SPTBN1: variants seen among roughly 807,000 people sequenced by gnomAD.
SPTBN1 encodes spectrin beta, non-erythrocytic 1.
Under a neutral mutation model 266.4 loss-of-function variants are expected in SPTBN1, and 32 were observed. That is an observed-to-expected ratio of 0.12 (90% CI 0.09 to 0.16). The LOEUF is 0.16. Among genes scored for constraint, SPTBN1 ranks in the 10% least tolerant of loss-of-function variants. The pLI is 1.00. For synonymous variants in SPTBN1, 1,336 were observed against 1,162.2 expected (o/e 1.15, Z -3.04); for missense variants, 2,296 against 3,067.1 (o/e 0.75, Z 5.94).
intron 2 of SPTBN1, among the ~76,000 whole-genome samples, chr2:54,535,900 T>A (rs1671568905): frequency 6.6e-6 from 1 of 152,128 alleles, no homozygotes; most frequent in African/African-American, 2.4e-5. Context: ...TACATGTGAG[T>A]AACCACCTAT....
chr2:54,508,669 G>C (rs892156674), intron 1 of SPTBN1, among the ~76,000 whole-genome samples: 3 of 152,214 alleles, frequency 2.0e-5, no homozygotes, highest in African/African-American at 7.2e-5. Flanking sequence ...ATGGGTGGAA[G>C]TTTCAGCGAG....
chr2:54,503,212 C>T (rs1013311177), intron 1 of SPTBN1, among the ~76,000 whole-genome samples: 1 of 152,234 alleles, frequency 6.6e-6, no homozygotes, highest in Non-Finnish European at 1.5e-5. Context: ...ATATTATGCT[C>T]AGCTTTTTTG....
At chr2:54,559,366 G>GT (rs1230165913) in intron 2 of SPTBN1, among the ~76,000 whole-genome samples, 3 of 152,162 alleles carry the variant, frequency 2.0e-5, no homozygotes, top group Admixed American at 1.3e-4. Context: ...GTAAATTACA[G>GT]TTTTTTATTC....
At chr2:54,642,201 G>C (rs972934920) in intron 18 of SPTBN1, among the ~76,000 whole-genome samples, 9 of 152,192 alleles carry the variant, frequency 5.9e-5, no homozygotes, top group African/African-American at 1.9e-4. Context: ...AGCAAAAGTG[G>C]GTCTGGGCCT....
At chr2:54,469,348 C>G (rs1693800594) in intron 1 of SPTBN1, among the ~76,000 whole-genome samples, 1 of 152,084 alleles carries the variant, frequency 6.6e-6, no homozygotes, top group Admixed American at 6.6e-5. Flanking sequence ...GTAATGGGCC[C>G]CAAGGAAAAG....
intron 2 of SPTBN1, among the ~76,000 whole-genome samples, chr2:54,566,185 C>CTTTTTTTTT (rs59369956): frequency 5.6e-5 from 7 of 125,222 alleles, no homozygotes; most frequent in Non-Finnish European, 8.2e-5. Flanking sequence ...TTTCTTTTTT[C>CTTTTTTTTT]TTTTTTTTTT....
chr2:54,483,500 C>A (rs542225074), intron 1 of SPTBN1, among the ~76,000 whole-genome samples: 1 of 152,322 alleles, frequency 6.6e-6, no homozygotes, highest in South Asian at 2.1e-4. Flanking sequence ...GAAACCCTCA[C>A]GTGGAGAGGC....
intron 32 of SPTBN1, chr2:54,661,977 T>C: frequency 1.0e-6 from 1 of 985,452 alleles, no homozygotes; most frequent in Non-Finnish European, 1.2e-6. Context: ...TTTATTGTTT[T>C]GAGTGATGAC....
At chr2:54,518,403 T>C (rs1189760587) in intron 1 of SPTBN1, among the ~76,000 whole-genome samples, 7 of 149,692 alleles carry the variant, frequency 4.7e-5, no homozygotes, top group African/African-American at 1.7e-4. Context: ...CGTATACATA[T>C]GTAACAAACC....
chr2:54,607,360 C>T (rs921737398), intron 3 of SPTBN1, among the ~76,000 whole-genome samples: 3 of 152,210 alleles, frequency 2.0e-5, no homozygotes, highest in Non-Finnish European at 2.9e-5. Context: ...GGCTGGCTCA[C>T]GCCTGTAATC....
intron 17 of SPTBN1, among the ~76,000 whole-genome samples, chr2:54,636,641 A>T (rs1191715101): frequency 1.3e-5 from 2 of 152,224 alleles, no homozygotes; most frequent in East Asian, 3.8e-4. Context: ...ATCCAAGGCT[A>T]TGTGTTCTTC....
At chr2:54,510,105 C>T (rs557658290) in intron 1 of SPTBN1, among the ~76,000 whole-genome samples, 1 of 151,976 alleles carries the variant, frequency 6.6e-6, no homozygotes, top group East Asian at 1.9e-4. Flanking sequence ...ATTACAGGCA[C>T]CCACCTCTGC....
rs1672725657 is a variant in SPTBN1, at chr2:54,554,007, A to G, written c.148+27441A>G. On this transcript the variant is annotated intron_variant, in intron 2 of 35. Transcript: ENST00000356805. The surrounding 1 kb of genome is among the most constrained non-coding windows in gnomAD (Gnocchi z 4.5). The stretch of plus-strand genomic sequence containing the variant: ...AGAGGAACAAAACCAAACAAGACCT[A>G]ATAAAACCCACTCAGAACCACAGAA... Among the ~76,000 whole-genome samples, 1 of 152,214 alleles carries G rather than the reference A, an allele frequency of 6.6e-6. No individual in the cohort carries two copies. Among genetic ancestry groups the G allele is most frequent in the Non-Finnish European group, 1.5e-5 (1 of 68,038 alleles).
chr2:54,641,134 GC>G (rs1376917920), intron 18 of SPTBN1, among the ~76,000 whole-genome samples: 1 of 152,152 alleles, frequency 6.6e-6, no homozygotes, highest in Non-Finnish European at 1.5e-5. Flanking sequence ...CTTTGTAAAT[GC>G]CCACAAATAA....
At position 54,562,371 on chromosome 2, in the gene SPTBN1, C is replaced by T. The variant is rs143354981; in HGVS notation, c.148+35805C>T. Among the ~76,000 whole-genome samples the T allele has an allele frequency of 1.2e-4, 18 of 152,232 alleles. No homozygotes were observed. The East Asian group carries it at 3.5e-3, about 29-fold the overall frequency. On this transcript the variant is annotated intron_variant, in intron 2 of 35. Transcript: ENST00000356805. ...AGATTCTCCGTAAAATGGCCCCACT[C>T]CACTTACTTCTTATTCTAATATATT...
At chr2:54,492,114 A>C (rs553054618) in intron 1 of SPTBN1, among the ~76,000 whole-genome samples, 1 of 152,338 alleles carries the variant, frequency 6.6e-6, no homozygotes, top group Non-Finnish European at 1.5e-5. Flanking sequence ...AGAGTAATAC[A>C]TTAAAGAATA....
chr2:54,655,294 C>A, intron 28 of SPTBN1, 86 bp downstream of exon 28: 1 of 1,525,428 alleles, frequency 6.6e-7, no homozygotes, highest in Non-Finnish European at 8.9e-7. Flanking sequence ...GTCAGAGATA[C>A]TGTGTTTACA....
chr2:54,655,430 A>T (rs1046235482), intron 28 of SPTBN1, among the ~76,000 whole-genome samples: 1 of 152,220 alleles, frequency 6.6e-6, no homozygotes, highest in South Asian at 2.1e-4. Context: ...GAGGGCTACA[A>T]AATGGACTCC....
intron 1 of SPTBN1, among the ~76,000 whole-genome samples, chr2:54,465,126 A>T (rs931642352): frequency 5.9e-5 from 9 of 152,232 alleles, no homozygotes; most frequent in Admixed American, 1.3e-4. Flanking sequence ...AGCGATTGTT[A>T]TATCTGTCCT....
Sources: allele counts gnomAD v4.1 joint callset (sites outside exome capture counted in the v4.1 genomes callset), GRCh38; gene constraint gnomAD v4.1.1; non-coding constraint Gnocchi (gnomAD v3.1); transcripts MANE v1.5; gene names NCBI Gene and HGNC (gene_info 2026-07-23, HGNC 2026-07-21).